RORB: variants seen among roughly 807,000 people sequenced by gnomAD.
RORB encodes nuclear receptor ROR-beta.
Under a neutral mutation model 59.1 loss-of-function variants are expected in RORB, and 6 were observed. The observed-to-expected ratio is 0.10, with a 90% CI of 0.06 to 0.20. The LOEUF is 0.20. Ranked by LOEUF, RORB falls within the 10% of genes least tolerant of loss-of-function variation. RORB has a pLI of 1.00. For missense variants in RORB, 320 were observed against 560.5 expected (o/e 0.57, Z 4.33); for synonymous variants, 215 against 204.5 (o/e 1.05, Z -0.44).
intron 6 of RORB, among the ~76,000 whole-genome samples, chr9:74,664,660 G>A (rs185515526): frequency 2.6e-5 from 4 of 152,224 alleles, no homozygotes; most frequent in South Asian, 2.1e-4. Flanking sequence ...GCTAGGTGAC[G>A]TATCAAAGAC....
chr9:74,655,397 G>A (rs1310898696), intron 4 of RORB, among the ~76,000 whole-genome samples: 2 of 151,772 alleles, frequency 1.3e-5, no homozygotes, highest in Non-Finnish European at 2.9e-5. Context: ...TCTTCGACAT[G>A]TACCATCTGC....
chr9:74,558,378 G>T (rs1182103680), intron 1 of RORB, among the ~76,000 whole-genome samples: 3 of 152,066 alleles, frequency 2.0e-5, no homozygotes, highest in Non-Finnish European at 2.9e-5. Context: ...TTTGAGATAG[G>T]CCTATTACTT....
At chr9:74,663,964 A>G (rs574037895) in intron 6 of RORB, among the ~76,000 whole-genome samples, 1 of 152,292 alleles carries the variant, frequency 6.6e-6, no homozygotes, top group Admixed American at 6.5e-5. Flanking sequence ...TCCATTATAT[A>G]CCATCAGTCA....
At chr9:74,545,457 T>A (rs1826473450) in intron 1 of RORB, among the ~76,000 whole-genome samples, 1 of 152,196 alleles carries the variant, frequency 6.6e-6, no homozygotes, top group South Asian at 2.1e-4. Flanking sequence ...CATTGCTAAC[T>A]CATTCTCTGT....
At chr9:74,645,943 C>T (rs1039494095) in intron 4 of RORB, among the ~76,000 whole-genome samples, 2 of 152,138 alleles carry the variant, frequency 1.3e-5, no homozygotes, top group Admixed American at 6.6e-5. Flanking sequence ...TACCTGACCT[C>T]CTTCTAGGCA....
intron 1 of RORB, among the ~76,000 whole-genome samples, chr9:74,605,621 C>T (rs1823137361): frequency 6.6e-6 from 1 of 152,142 alleles, no homozygotes; most frequent in Non-Finnish European, 1.5e-5. Context: ...GGGTTGGAAG[C>T]ACAATTCTTC....
At chr9:74,507,496 A>G (rs1825885698) in intron 1 of RORB, among the ~76,000 whole-genome samples, 1 of 152,096 alleles carries the variant, frequency 6.6e-6, no homozygotes, top group South Asian at 2.1e-4. Context: ...CTCCAAGGAA[A>G]GGATCACATA....
intron 4 of RORB, among the ~76,000 whole-genome samples, chr9:74,652,977 G>A (rs555085175): frequency 1.3e-5 from 2 of 152,258 alleles, no homozygotes; most frequent in Non-Finnish European, 2.9e-5. Context: ...TTCTATTTAT[G>A]CTAAAAATAA....
chr9:74,559,211 C>T (rs1349577850), intron 1 of RORB, among the ~76,000 whole-genome samples: 2 of 152,046 alleles, frequency 1.3e-5, no homozygotes, highest in East Asian at 1.9e-4. Flanking sequence ...ACAATATTTC[C>T]CAATATTTCC....
intron 4 of RORB, among the ~76,000 whole-genome samples, chr9:74,644,498 T>C (rs1256158173): frequency 6.6e-6 from 1 of 152,130 alleles, no homozygotes; most frequent in Non-Finnish European, 1.5e-5. Context: ...GTCCTATAAT[T>C]ACTAAATGAC....
At chr9:74,617,010 C>T (rs991730149) in intron 1 of RORB, among the ~76,000 whole-genome samples, 6 of 151,598 alleles carry the variant, frequency 4.0e-5, no homozygotes, top group African/African-American at 7.3e-5. Context: ...AAAGTTCCTA[C>T]GGTAGAATAC....
intron 1 of RORB, among the ~76,000 whole-genome samples, chr9:74,544,805 C>T (rs1054585289): frequency 3.3e-5 from 5 of 152,196 alleles, no homozygotes. Flanking sequence ...TCAACCCCCA[C>T]CTGCAGAAGG....
chr9:74,546,405 G>A (rs1354936303), intron 1 of RORB, among the ~76,000 whole-genome samples: 5 of 152,052 alleles, frequency 3.3e-5, no homozygotes. Context: ...GGGGCAGAAA[G>A]AGGAAGAGGT....
intron 1 of RORB, among the ~76,000 whole-genome samples, chr9:74,576,839 G>A (rs903837148): frequency 6.6e-6 from 1 of 152,062 alleles, no homozygotes; most frequent in Non-Finnish European, 1.5e-5. Context: ...GTACCAGCAA[G>A]TGCTTTATGT....
At chr9:74,531,706 T>A (rs1826242010) in intron 1 of RORB, among the ~76,000 whole-genome samples, 1 of 152,032 alleles carries the variant, frequency 6.6e-6, no homozygotes, top group African/African-American at 2.4e-5. Context: ...CTACATTTTT[T>A]AATGATATCT....
At chr9:74,556,682 A>G (rs541438162) in intron 1 of RORB, among the ~76,000 whole-genome samples, 1 of 152,164 alleles carries the variant, frequency 6.6e-6, no homozygotes, top group Non-Finnish European at 1.5e-5. Flanking sequence ...ACAACAACAA[A>G]AAAAATTCAC....
chr9:74,643,296 T>C (rs897996656), intron 4 of RORB, among the ~76,000 whole-genome samples: 2 of 152,198 alleles, frequency 1.3e-5, no homozygotes, highest in Non-Finnish European at 2.9e-5. Context: ...GTCAGGGCGA[T>C]AGACCAGAAG....
intron 1 of RORB, among the ~76,000 whole-genome samples, chr9:74,536,760 T>C (rs889118375): frequency 3.3e-5 from 5 of 151,818 alleles, no homozygotes; most frequent in Non-Finnish European, 7.4e-5. Flanking sequence ...AAAGAAAACA[T>C]CAGCTTACTA....
intron 1 of RORB, among the ~76,000 whole-genome samples, chr9:74,602,673 C>A (rs1050178950): frequency 1.3e-5 from 2 of 152,216 alleles, no homozygotes; most frequent in Non-Finnish European, 2.9e-5. Flanking sequence ...GCACCTTTCT[C>A]CCCCAAAAGA....
Sources: gnomAD v4.1 joint callset for allele counts (sites outside exome capture counted in the v4.1 genomes callset) on GRCh38, gnomAD v4.1.1 for gene constraint, MANE v1.5 for transcripts, NCBI Gene and HGNC (gene_info 2026-07-23, HGNC 2026-07-21) for gene names.